SLC35D2: variants seen among roughly 807,000 people sequenced by gnomAD.
The protein encoded by SLC35D2 is solute carrier family 35 member D2, also known as nucleotide sugar transporter SLC35D2.
SLC35D2 carries 43 observed loss-of-function variants against 41.8 expected under a neutral mutation model. The observed-to-expected ratio is 1.03, with a 90% CI of 0.81 to 1.33. SLC35D2 has a LOEUF of 1.33. SLC35D2 is among the 40% of genes most tolerant of loss of function. The pLI is 0.00. For synonymous variants in SLC35D2, 150 were observed against 163.9 expected (o/e 0.92, Z 0.65); for missense variants, 380 against 408.4 (o/e 0.93, Z 0.60).
chr9:96,350,900 T>C (rs945730071), intron 6 of SLC35D2: 2 of 491,790 alleles, frequency 4.1e-6, no homozygotes, highest in Non-Finnish European at 7.3e-6. Context: ...TCTCTTCATA[T>C]ATTCTCAGAA....
At chr9:96,356,365 A>C (rs946497304) in intron 4 of SLC35D2, among the ~76,000 whole-genome samples, 9 of 150,084 alleles carry the variant, frequency 6.0e-5, no homozygotes, top group Admixed American at 6.0e-4. Context: ...ATCGAATCTT[A>C]GCTGGCTTTA....
At chr9:96,356,388 T>C (rs1830025959) in intron 4 of SLC35D2, among the ~76,000 whole-genome samples, 1 of 150,178 alleles carries the variant, frequency 6.7e-6, no homozygotes, top group African/African-American at 2.4e-5. Flanking sequence ...TATTCTTTTT[T>C]TTTTTTTTTT....
At chr9:96,372,834 C>A (rs1830767215) in intron 1 of SLC35D2, among the ~76,000 whole-genome samples, 1 of 151,288 alleles carries the variant, frequency 6.6e-6, no homozygotes, top group East Asian at 1.9e-4. Context: ...GATCCGCCCA[C>A]CTCTGCCTCC....
chr9:96,355,404 A>G (rs1829980109), intron 4 of SLC35D2, among the ~76,000 whole-genome samples: 1 of 151,828 alleles, frequency 6.6e-6, no homozygotes, highest in Non-Finnish European at 1.5e-5. Context: ...GGATGGCTTG[A>G]GCACAGGAGG....
intron 1 of SLC35D2, chr9:96,374,143 A>G (rs532263162): frequency 1.3e-5 from 2 of 152,218 alleles, no homozygotes; most frequent in Non-Finnish European, 2.9e-5. Context: ...AAATTAAATA[A>G]TTAAATCAAA....
chr9:96,316,508 G>A (rs1374560740), downstream of SLC35D2, among the ~76,000 whole-genome samples: 1 of 151,952 alleles, frequency 6.6e-6, no homozygotes, highest in Non-Finnish European at 1.5e-5. Flanking sequence ...AAAAAGGGGG[G>A]GAAGATGGTC....
chr9:96,376,683 G>A (rs1830976199), intron 1 of SLC35D2, among the ~76,000 whole-genome samples: 1 of 152,018 alleles, frequency 6.6e-6, no homozygotes, highest in African/African-American at 2.4e-5. Flanking sequence ...TGGGGCAGGA[G>A]AATTGCCTGG....
intron 4 of SLC35D2, among the ~76,000 whole-genome samples, chr9:96,352,414 C>T (rs993144116): frequency 1.3e-5 from 2 of 151,926 alleles, no homozygotes; most frequent in African/African-American, 2.4e-5. Context: ...CTCTGCCTCC[C>T]GGGTTCAAGC....
chr9:96,377,977 T>C (rs1371788376), intron 1 of SLC35D2, among the ~76,000 whole-genome samples: 3 of 152,144 alleles, frequency 2.0e-5, no homozygotes, highest in Non-Finnish European at 1.5e-5. Context: ...GGAAGCAACA[T>C]CTTCGGGACA....
chr9:96,347,103 T>A (rs1192936938), intron 6 of SLC35D2, among the ~76,000 whole-genome samples: 2 of 152,188 alleles, frequency 1.3e-5, no homozygotes, highest in African/African-American at 4.8e-5. Flanking sequence ...GCCTCCAGCC[T>A]GAGCAACAAG....
chr9:96,356,103 G>A (rs1351338796), intron 4 of SLC35D2, among the ~76,000 whole-genome samples: 1 of 152,180 alleles, frequency 6.6e-6, no homozygotes, highest in Non-Finnish European at 1.5e-5. Context: ...TAACTCCCAT[G>A]AAGGTTGATT....
Position 96,350,011 on chromosome 9 carries a change from T to C in SLC35D2, c.488+1092A>G, listed in dbSNP as rs73654886. On this transcript the variant is annotated intron_variant, in intron 6 of 11. Coordinates refer to ENST00000253270, the MANE Select transcript of SLC35D2 (RefSeq NM_007001.3). ...TGCTGTCTAATGGGTGCTGGCCCTA[T>C]ACCTGCGGTGTGAATTGGAGCACTG... is the stretch of plus-strand genomic sequence containing the variant. 3.2e-3 allele frequency among the ~76,000 whole-genome samples: 486 copies of C among 152,296 alleles called. 1 individual carries two copies. The highest frequency in any genetic ancestry group is 0.011 in the African/African-American group (457 of 41,544).
Position 96,336,717 on chromosome 9 carries a change from C to A in SLC35D2, c.752G>T (p.Gly251Val), listed in dbSNP as rs751427124. ...ILQFLLSCFL[G>V]FLLMYSTVLC... ...CTTCTACTTATCTATGGTTTCTTAC[C>A]CCAAAAAACAGGAAAGAAGAAACTG... The change falls in exon 9 of 12, where the codon GGG (glycine) becomes GTG (valine). Residue 251 changes from glycine to valine, a missense_variant and splice_region_variant. Coordinates refer to ENST00000253270, the MANE Select transcript of SLC35D2 (RefSeq NM_007001.3). The A allele has an allele frequency of 6.4e-7, 1 of 1,564,286 alleles. No individual in the cohort carries two copies. The highest frequency in any genetic ancestry group is 8.8e-7 in the Non-Finnish European group (1 of 1,141,928).
intron 8 of SLC35D2, among the ~76,000 whole-genome samples, chr9:96,340,303 C>T (rs776337535): frequency 4.0e-5 from 6 of 151,796 alleles, no homozygotes; most frequent in Non-Finnish European, 8.8e-5. Flanking sequence ...TTTGGCATCT[C>T]GTCATACAAT....
chr9:96,338,475 G>A (rs1208809984), intron 8 of SLC35D2, among the ~76,000 whole-genome samples: 1 of 150,804 alleles, frequency 6.6e-6, no homozygotes, highest in East Asian at 1.9e-4. Flanking sequence ...AGGATCACCT[G>A]AGCCCAGGAG....
chr9:96,370,200 G>A (rs915529438), intron 1 of SLC35D2, among the ~76,000 whole-genome samples: 1 of 152,198 alleles, frequency 6.6e-6, no homozygotes, highest in African/African-American at 2.4e-5. Context: ...CCCCTGGGAT[G>A]AGGCCTTTGC....
intron 6 of SLC35D2, among the ~76,000 whole-genome samples, chr9:96,348,987 AG>A (rs147864967): frequency 0.023 from 3,438 of 152,286 alleles, 131 homozygotes; most frequent in African/African-American, 0.08. Context: ...GCCCTAAGGA[AG>A]CTAGAAGAGA....
chr9:96,338,326 C>T (rs977796508), intron 8 of SLC35D2, among the ~76,000 whole-genome samples: 1 of 152,216 alleles, frequency 6.6e-6, no homozygotes, highest in East Asian at 1.9e-4. Context: ...TCTGTACCAT[C>T]TTGTCACATT....
chr9:96,330,618 A>C (rs1828763313), intron 9 of SLC35D2, among the ~76,000 whole-genome samples: 1 of 152,168 alleles, frequency 6.6e-6, no homozygotes, highest in South Asian at 2.1e-4. Context: ...TCAGGATTAT[A>C]ATTTTTTGAA....
Sources: gnomAD v4.1 joint callset for allele counts (sites outside exome capture counted in the v4.1 genomes callset) on GRCh38, gnomAD v4.1.1 for gene constraint, MANE v1.5 for transcripts, NCBI Gene and HGNC (gene_info 2026-07-23, HGNC 2026-07-21) for gene names.